The following HS3ST4 variants were observed in gnomAD, a reference collection of about 807,000 sequenced individuals.
HS3ST4 encodes the protein heparan sulfate-glucosamine 3-sulfotransferase 4.
In HS3ST4, 17 loss-of-function variants were observed where a neutral mutation model predicts 29.2. The ratio of observed to expected loss-of-function variants is 0.58; its 90% CI spans 0.40 to 0.87. The LOEUF is 0.87. Ranked by LOEUF, HS3ST4 falls within the 40% of genes least tolerant of loss-of-function variation. HS3ST4 has a pLI of 0.00. For missense variants in HS3ST4, 627 were observed against 634.5 expected (o/e 0.99, Z 0.13); for synonymous variants, 314 against 285.7 (o/e 1.10, Z -1.00).
chr16:25,928,860 G>C (rs1294790075), intron 1 of HS3ST4, among the ~76,000 whole-genome samples: 2 of 152,156 alleles, frequency 1.3e-5, no homozygotes, highest in Admixed American at 6.6e-5. Context: ...GAAAGCGCTT[G>C]AGAAGTTCAA....
At chr16:26,002,578 G>T (rs1969221019) in intron 1 of HS3ST4, among the ~76,000 whole-genome samples, 1 of 151,806 alleles carries the variant, frequency 6.6e-6, no homozygotes, top group Admixed American at 6.6e-5. Context: ...ACTCATTCCA[G>T]CCTGGGTGGC....
chr16:25,974,341 T>C (rs1968924214), intron 1 of HS3ST4, among the ~76,000 whole-genome samples: 1 of 152,166 alleles, frequency 6.6e-6, no homozygotes, highest in South Asian at 2.1e-4. Context: ...TGTGACATCT[T>C]AGATAGTATT....
Position 25,739,795 on chromosome 16 carries a change from C to A in HS3ST4, c.734+46644C>A, listed in dbSNP as rs528722214. On this transcript the variant is annotated intron_variant, in intron 1 of 1. Transcript: ENST00000331351. ...TTCCACTTAAGCTTTCTTTGAGATT[C>A]CAAGTTTGGGTTTTCAGATCTTTTT... Among the ~76,000 whole-genome samples the A allele has an allele frequency of 6.7e-4, 102 of 152,156 alleles. 1 individual carries two copies. Among genetic ancestry groups the A allele is most frequent in the Non-Finnish European group, 1.4e-3 (92 of 68,020 alleles).
chr16:26,064,896 C>T (rs1898524813), intron 1 of HS3ST4, among the ~76,000 whole-genome samples: 1 of 152,142 alleles, frequency 6.6e-6, no homozygotes, highest in Admixed American at 6.5e-5. Context: ...GGATTACAGG[C>T]ATGAGCCACC....
intron 1 of HS3ST4, among the ~76,000 whole-genome samples, chr16:25,948,116 A>C (rs1289014893): frequency 1.3e-5 from 2 of 152,224 alleles, no homozygotes; most frequent in Non-Finnish European, 2.9e-5. Context: ...CGTACACCAT[A>C]TAATACAGAA....
At chr16:25,937,163 A>G (rs965383452) in intron 1 of HS3ST4, among the ~76,000 whole-genome samples, 9 of 152,082 alleles carry the variant, frequency 5.9e-5, no homozygotes, top group Non-Finnish European at 1.2e-4. Context: ...GGAAAATTGA[A>G]CATCTGTCCA....
At position 26,120,069 on chromosome 16, in the gene HS3ST4, GTA is replaced by G. The variant is rs1401069259; in HGVS notation, c.735-15541_735-15540del. ...CTGAAGGAAGTGTGTGTGTGTGTGT[GTA>G]TGTGTGTGTGTGTGTGTGTGTATAT... On this transcript the variant is annotated intron_variant, in intron 1 of 1. Transcript: ENST00000331351. 8.5e-3 allele frequency among the ~76,000 whole-genome samples: 1,079 copies of G among 127,072 alleles called. 9 individuals are homozygous for G. Among genetic ancestry groups the G allele is most frequent in the Non-Finnish European group, 0.013 (764 of 57,420 alleles). The allele number at this position is 127,072 out of a possible 152,430, so 83.4% of individuals were successfully genotyped here.
At chr16:25,714,378 C>T (rs1463778647) in intron 1 of HS3ST4, among the ~76,000 whole-genome samples, 1 of 152,164 alleles carries the variant, frequency 6.6e-6, no homozygotes, top group Non-Finnish European at 1.5e-5. Context: ...AGTACGATGA[C>T]ACTGACGAGA....
chr16:25,730,927 T>C (rs376776624), intron 1 of HS3ST4, among the ~76,000 whole-genome samples: 2 of 152,284 alleles, frequency 1.3e-5, no homozygotes, highest in East Asian at 3.9e-4. Flanking sequence ...TTATGGCTTA[T>C]TACAGTGAAA....
intron 1 of HS3ST4, among the ~76,000 whole-genome samples, chr16:25,977,402 C>T (rs759815080): frequency 6.6e-6 from 1 of 152,124 alleles, no homozygotes; most frequent in African/African-American, 2.4e-5. Context: ...GCACATCATG[C>T]CCTCTTTTCC....
chr16:26,077,697 G>A (rs1010139286), intron 1 of HS3ST4, among the ~76,000 whole-genome samples: 1 of 152,226 alleles, frequency 6.6e-6, no homozygotes, highest in African/African-American at 2.4e-5. Flanking sequence ...TAGCATGCAT[G>A]AATGCAGTCA....
intron 1 of HS3ST4, among the ~76,000 whole-genome samples, chr16:25,923,108 GCTT>G: frequency 6.6e-6 from 1 of 152,238 alleles, no homozygotes; most frequent in Middle Eastern, 3.4e-3. Flanking sequence ...TATTACTCTT[GCTT>G]CTTCCATTTT....
intron 1 of HS3ST4, among the ~76,000 whole-genome samples, chr16:26,018,554 G>A (rs4238936): frequency 0.69 from 105,079 of 152,032 alleles, 37,771 homozygotes; most frequent in African/African-American, 0.89. Flanking sequence ...AGAAGACTTT[G>A]TTTTACACAT....
rs1442273320 is a variant in HS3ST4, at chr16:25,726,541, G to T, written c.734+33390G>T. ...CTGGGTTAAAGGGTGAGCAGTCAGG[G>T]TGATTTAAAGGCTTTTGGTACACAT... On this transcript the variant is annotated intron_variant, in intron 1 of 1. Coordinates refer to ENST00000331351, the MANE Select transcript of HS3ST4 (RefSeq NM_006040.3). 1.3e-5 allele frequency among the ~76,000 whole-genome samples: 2 copies of T among 152,154 alleles called. 1 individual carries two copies. Among genetic ancestry groups the T allele is most frequent in the South Asian group, 4.1e-4 (2 of 4,830 alleles).
At chr16:25,929,414 A>G (rs1014379726) in intron 1 of HS3ST4, among the ~76,000 whole-genome samples, 2 of 152,174 alleles carry the variant, frequency 1.3e-5, no homozygotes, top group Non-Finnish European at 2.9e-5. Context: ...GAAAGGTTCA[A>G]GGTTATCTTC....
chr16:25,755,252 C>A (rs1043774911), intron 1 of HS3ST4, among the ~76,000 whole-genome samples: 5 of 152,142 alleles, frequency 3.3e-5, no homozygotes, highest in Admixed American at 3.3e-4. Flanking sequence ...AAACTCCATA[C>A]TATTAAAAGA....
chr16:25,940,682 C>T (rs1039772137), intron 1 of HS3ST4, among the ~76,000 whole-genome samples: 2 of 152,164 alleles, frequency 1.3e-5, no homozygotes, highest in African/African-American at 2.4e-5. Context: ...GATCATAATT[C>T]GAGGTTAGGG....
At chr16:25,991,070 C>A (rs1317279995) in intron 1 of HS3ST4, among the ~76,000 whole-genome samples, 1 of 148,698 alleles carries the variant, frequency 6.7e-6, no homozygotes, top group Non-Finnish European at 1.5e-5. Flanking sequence ...TCAGCATGCT[C>A]TCCAAGTCCT....
At chr16:25,979,272 A>G (rs1170009487) in intron 1 of HS3ST4, among the ~76,000 whole-genome samples, 7 of 152,094 alleles carry the variant, frequency 4.6e-5, no homozygotes, top group African/African-American at 1.7e-4. Context: ...ATTCTATAAC[A>G]GGGGTCTCCA....
Sources: allele counts gnomAD v4.1 joint callset (sites outside exome capture counted in the v4.1 genomes callset), GRCh38; gene constraint gnomAD v4.1.1; transcripts MANE v1.5; gene names NCBI Gene and HGNC (gene_info 2026-07-23, HGNC 2026-07-21).